The following CTNNA3 variants were observed in gnomAD, a reference collection of about 807,000 sequenced individuals.
CTNNA3 encodes catenin alpha-3.
In CTNNA3, 76 loss-of-function variants were observed where a neutral mutation model predicts 95.7. The ratio of observed to expected loss-of-function variants is 0.79; its 90% CI spans 0.66 to 0.96. The LOEUF is 0.96. CTNNA3 is among the 40% of genes least tolerant of loss of function. The pLI, the probability that CTNNA3 is intolerant of heterozygous loss-of-function variation, is 0.00. For missense variants in CTNNA3, 1,191 were observed against 1,089.8 expected (o/e 1.09, Z -1.31); for synonymous variants, 431 against 374.4 (o/e 1.15, Z -1.74).
intron 3 of CTNNA3, among the ~76,000 whole-genome samples, chr10:67,606,078 A>G (rs1047800124): frequency 6.6e-6 from 1 of 152,192 alleles, no homozygotes; most frequent in Admixed American, 6.5e-5. Context: ...ATTTTCTTAA[A>G]GTTACGTTGG....
chr10:67,259,681 C>T lies in CTNNA3; in HGVS notation c.580-39811G>A, dbSNP rs184249347. ...CTATTTTTGCGCCACTTTATGTTCCCGCTTCCTTGCTTCTAACTCCCATGA... is the reference window on the plus strand; with the variant it reads ...CTATTTTTGCGCCACTTTATGTTCCTGCTTCCTTGCTTCTAACTCCCATGA... On this transcript the variant is annotated intron_variant, in intron 5 of 17. Transcript: ENST00000433211. 5.3e-5 allele frequency among the ~76,000 whole-genome samples: 8 copies of T among 152,128 alleles called. No individual in the cohort carries two copies. In the South Asian group the frequency reaches 6.2e-4, roughly 12 times the overall value.
chr10:66,421,670 T>TA (rs1421916335), intron 11 of CTNNA3, among the ~76,000 whole-genome samples: 4 of 150,188 alleles, frequency 2.7e-5, no homozygotes, highest in Admixed American at 1.3e-4. Flanking sequence ...CTGTCTCTAC[T>TA]AAAAAAAATA....
chr10:67,168,895 C>G (rs1050265668), intron 7 of CTNNA3, among the ~76,000 whole-genome samples: 5 of 152,204 alleles, frequency 3.3e-5, no homozygotes, highest in African/African-American at 1.2e-4. Context: ...TACCCATAGT[C>G]TTAGCTCAAA....
rs141484728 is a variant in CTNNA3 at position 67,743,031 on chromosome 10, C to G, written c.-2+20403G>C. Reference sequence around the variant, plus strand: ...ATCAATAGCTTACCAACCAAAAACACTCCAGGACCAGATGGATTCACAGCC... The same window carrying G: ...ATCAATAGCTTACCAACCAAAAACAGTCCAGGACCAGATGGATTCACAGCC... On this transcript the variant is annotated intron_variant, in intron 1 of 17. Coordinates refer to the CTNNA3 transcript ENST00000684154. Among the ~76,000 whole-genome samples the G allele has an allele frequency of 0.033, 5,029 of 151,014 alleles. 656 individuals carry two copies. The East Asian group carries it at 0.43, about 13-fold the overall frequency.
At chr10:66,333,358 G>T (rs1473475941) in intron 12 of CTNNA3, among the ~76,000 whole-genome samples, 37 of 151,622 alleles carry the variant, frequency 2.4e-4, no homozygotes, top group Non-Finnish European at 1.5e-5. Context: ...TTTCTCTTGT[G>T]GGCCTTTAGT....
chr10:66,132,710 A>G lies in CTNNA3; in HGVS notation c.1885-29461T>C, dbSNP rs140098111. On this transcript the variant is annotated intron_variant, in intron 13 of 17. Coordinates refer to ENST00000433211, the MANE Select transcript of CTNNA3 (RefSeq NM_013266.4). ...CAGTACATATACACCATGGAATACT[A>G]TGCAGCCATATAAAAGAATGAGATC... Among the ~76,000 whole-genome samples the G allele has an allele frequency of 7.9e-5, 12 of 152,376 alleles. No homozygotes were observed. The East Asian group carries it at 2.3e-3, about 29-fold the overall frequency.
At chr10:67,208,370 C>A in intron 6 of CTNNA3, among the ~76,000 whole-genome samples, 1 of 126,018 alleles carries the variant, frequency 7.9e-6, no homozygotes, top group Non-Finnish European at 1.6e-5. Context: ...CAGAGCAAGA[C>A]TCTGTCTCAA....
chr10:67,226,636 T>C (rs931502509), intron 5 of CTNNA3, among the ~76,000 whole-genome samples: 3 of 152,146 alleles, frequency 2.0e-5, no homozygotes, highest in African/African-American at 4.8e-5. Context: ...GCATCATATA[T>C]GAAGGAAAGA....
chr10:66,755,925 T>C (rs1007871740), intron 9 of CTNNA3, among the ~76,000 whole-genome samples: 6 of 152,168 alleles, frequency 3.9e-5, no homozygotes, highest in Non-Finnish European at 8.8e-5. Context: ...CCATACACAA[T>C]TGCCATTTAC....
chr10:66,332,465 T>G (rs544219175), intron 12 of CTNNA3, among the ~76,000 whole-genome samples: 14 of 151,600 alleles, frequency 9.2e-5, no homozygotes, highest in Non-Finnish European at 1.9e-4. Flanking sequence ...AAAGGCCTTT[T>G]CTGCATCTAT....
At chr10:66,839,583 T>C in intron 7 of CTNNA3, among the ~76,000 whole-genome samples, 1 of 151,980 alleles carries the variant, frequency 6.6e-6, no homozygotes, top group East Asian at 1.9e-4. Context: ...GTACTTAATG[T>C]CCCCAGAAAA....
chr10:67,581,524 G>T (rs1842396714), intron 3 of CTNNA3, among the ~76,000 whole-genome samples: 1 of 151,948 alleles, frequency 6.6e-6, no homozygotes, highest in Non-Finnish European at 1.5e-5. Context: ...AATTCTCTTT[G>T]TTTGTTGTGT....
At chr10:66,307,575 T>G (rs2091951206) in intron 12 of CTNNA3, among the ~76,000 whole-genome samples, 1 of 152,186 alleles carries the variant, frequency 6.6e-6, no homozygotes, top group African/African-American at 2.4e-5. Context: ...TGATTTGCTA[T>G]TTTCCCACTA....
chr10:67,237,763 G>A (rs1196250825), intron 5 of CTNNA3, among the ~76,000 whole-genome samples: 2 of 152,126 alleles, frequency 1.3e-5, no homozygotes, highest in Admixed American at 1.3e-4. Context: ...GACATTTCAC[G>A]TGCTCTGCTA....
At chr10:67,758,277 T>A (rs1160928389) in intron 1 of CTNNA3, among the ~76,000 whole-genome samples, 1 of 147,716 alleles carries the variant, frequency 6.8e-6, no homozygotes, top group Non-Finnish European at 1.5e-5. Flanking sequence ...TCTCCTCATG[T>A]GTATATGTAT....
At chr10:65,927,133 C>G (rs1043520640) in intron 17 of CTNNA3, among the ~76,000 whole-genome samples, 1 of 152,070 alleles carries the variant, frequency 6.6e-6, no homozygotes, top group Non-Finnish European at 1.5e-5. Context: ...GAATCATACT[C>G]TAACTCAGGG....
chr10:67,180,212 A>C (rs769647314), intron 7 of CTNNA3, 105 bp downstream of exon 7: 2 of 952,570 alleles, frequency 2.1e-6, no homozygotes, highest in East Asian at 4.8e-5. Context: ...AAAATCACAT[A>C]CTCATTTGTA....
At chr10:67,368,320 G>T (rs1843291155) in intron 5 of CTNNA3, among the ~76,000 whole-genome samples, 1 of 152,138 alleles carries the variant, frequency 6.6e-6, no homozygotes. Flanking sequence ...AGTTCTACAT[G>T]CTCACTAGAA....
chr10:66,637,368 C>A (rs1032855598), intron 9 of CTNNA3, among the ~76,000 whole-genome samples: 1 of 152,220 alleles, frequency 6.6e-6, no homozygotes, highest in Non-Finnish European at 1.5e-5. Flanking sequence ...TAGCTCCATG[C>A]ACATCAGCCA....
Sources: allele counts gnomAD v4.1 joint callset (sites outside exome capture counted in the v4.1 genomes callset), GRCh38; gene constraint gnomAD v4.1.1; transcripts MANE v1.5; gene names NCBI Gene and HGNC (gene_info 2026-07-23, HGNC 2026-07-21).